Variants in SNAP25 observed in about 807,000 individuals in gnomAD.
SNAP25 encodes the protein synaptosomal-associated protein 25.
Under a neutral mutation model 28.7 loss-of-function variants are expected in SNAP25, and 3 were observed. The ratio of observed to expected loss-of-function variants is 0.10; its 90% CI spans 0.05 to 0.27. SNAP25 has a LOEUF of 0.27. SNAP25 is among the 10% of genes least tolerant of loss of function. SNAP25 has a pLI of 1.00. For missense variants in SNAP25, 117 were observed against 278.7 expected, an observed-to-expected ratio of 0.42 and a Z score of 4.13; for synonymous variants, 61 against 88.1, an observed-to-expected ratio of 0.69 and a Z score of 1.72.
At chr20:10,235,126 A>G (rs984322441) in intron 1 of SNAP25, among the ~76,000 whole-genome samples, 4 of 152,064 alleles carry the variant, frequency 2.6e-5, no homozygotes, top group Non-Finnish European at 5.9e-5. Flanking sequence ...CCAGCCACTC[A>G]GGGGACTAAT....
intron 4 of SNAP25, among the ~76,000 whole-genome samples, chr20:10,289,742 ATTC>A (rs759562590): frequency 8.7e-5 from 13 of 149,902 alleles, no homozygotes; most frequent in Non-Finnish European, 1.2e-4. Flanking sequence ...AATGCTTACT[ATTC>A]TTCTACTGAT....
intron 1 of SNAP25, among the ~76,000 whole-genome samples, chr20:10,238,611 C>T (rs918105251): frequency 6.6e-6 from 1 of 152,044 alleles, no homozygotes; most frequent in Non-Finnish European, 1.5e-5. Flanking sequence ...ACTATTATTT[C>T]AAAAAGAATA....
intron 7 of SNAP25, among the ~76,000 whole-genome samples, chr20:10,301,876 A>C (rs2123177276): frequency 6.9e-6 from 1 of 144,298 alleles, no homozygotes; most frequent in South Asian, 2.1e-4. Context: ...ATTATATAAT[A>C]TATAATATAT....
At position 10,291,457 on chromosome 20, in the gene SNAP25, C is replaced by T. The variant is rs573789493; in HGVS notation, c.164-1704C>T. The stretch of plus-strand genomic sequence containing the variant: ...GTTCTCCTGCACTACCTTATTATCT[C>T]CTCCAGGTATTCAATGCTGGATAAA... On this transcript the variant is annotated intron_variant, in intron 4 of 7. Coordinates refer to ENST00000254976, the MANE Select transcript of SNAP25 (RefSeq NM_130811.4). Among the ~76,000 whole-genome samples the T allele has an allele frequency of 9.2e-4, 140 of 152,266 alleles. 1 individual carries two copies. Among genetic ancestry groups the T allele is most frequent in the African/African-American group, 3.2e-3 (131 of 41,552 alleles).
chr20:10,273,145 A>AT lies in SNAP25; in HGVS notation c.-63-2274dup, dbSNP rs33941524. ...TTGCCTCCCAATGAGTATGTTCCTG[A>AT]TTTTTTTTTTCATACAGAATTTTCA... is the stretch of plus-strand genomic sequence containing the variant. On this transcript the variant is annotated intron_variant, in intron 1 of 7. Coordinates refer to ENST00000254976, the MANE Select transcript of SNAP25 (RefSeq NM_130811.4). Among the ~76,000 whole-genome samples, 277 of 150,142 alleles carry AT rather than the reference A, an allele frequency of 1.8e-3. 2 individuals carry two copies. The highest frequency in any genetic ancestry group is 4.4e-3 in the Admixed American group (67 of 15,062).
intron 4 of SNAP25, among the ~76,000 whole-genome samples, chr20:10,291,645 GT>G (rs1411964727): frequency 6.6e-6 from 1 of 152,120 alleles, no homozygotes; most frequent in African/African-American, 2.4e-5. Flanking sequence ...ATGTATCTTA[GT>G]TTTTTTGGAA....
intron 7 of SNAP25, 89 bp from the exon 8 acceptor site, chr20:10,306,040 C>A: frequency 1.6e-6 from 2 of 1,251,828 alleles, no homozygotes; most frequent in Non-Finnish European, 2.3e-6. Context: ...AGTGGTTTCA[C>A]CCAAGAGGAA....
intron 1 of SNAP25, among the ~76,000 whole-genome samples, chr20:10,270,005 G>A (rs566940707): frequency 5.3e-5 from 8 of 152,324 alleles, no homozygotes; most frequent in African/African-American, 1.9e-4. Context: ...TGTCATCCCA[G>A]CACTTTGGGA....
intron 1 of SNAP25, among the ~76,000 whole-genome samples, chr20:10,221,423 GA>G (rs1568566709): frequency 6.6e-6 from 1 of 151,798 alleles, no homozygotes; most frequent in Admixed American, 6.6e-5. Flanking sequence ...AGCTTCCAGG[GA>G]AAAAAAATCG....
intron 4 of SNAP25, among the ~76,000 whole-genome samples, chr20:10,287,223 C>T (rs1312416371): frequency 1.3e-5 from 2 of 152,040 alleles, no homozygotes; most frequent in South Asian, 4.2e-4. Context: ...GAACAGGCAA[C>T]CTACAAAATG....
At chr20:10,258,332 G>A (rs780745585) in intron 1 of SNAP25, among the ~76,000 whole-genome samples, 2 of 152,130 alleles carry the variant, frequency 1.3e-5, no homozygotes, top group Non-Finnish European at 2.9e-5. Context: ...TCTCATTAAT[G>A]AGTTAATAAA....
At chr20:10,249,027 A>G (rs1309407259) in intron 1 of SNAP25, among the ~76,000 whole-genome samples, 5 of 152,196 alleles carry the variant, frequency 3.3e-5, no homozygotes, top group Non-Finnish European at 5.9e-5. Flanking sequence ...TAAATAGGCC[A>G]TGGACACACA....
At chr20:10,260,012 C>G (rs561049204) in intron 1 of SNAP25, among the ~76,000 whole-genome samples, 2 of 152,318 alleles carry the variant, frequency 1.3e-5, no homozygotes, top group South Asian at 4.1e-4. Context: ...GGTTGGTCAG[C>G]CTTTCCCTGA....
intron 1 of SNAP25, among the ~76,000 whole-genome samples, chr20:10,223,995 C>T (rs945556703): frequency 2.0e-5 from 3 of 152,158 alleles, no homozygotes; most frequent in Admixed American, 2.0e-4. Flanking sequence ...AAGAATGTGA[C>T]ACTCATTCTA....
chr20:10,299,942 T>C (rs1489519028), intron 7 of SNAP25, among the ~76,000 whole-genome samples: 1 of 152,092 alleles, frequency 6.6e-6, no homozygotes, highest in African/African-American at 2.4e-5. Flanking sequence ...AATCAGAAAA[T>C]GGGAGAAAGA....
At chr20:10,232,099 T>A (rs768555600) in intron 1 of SNAP25, among the ~76,000 whole-genome samples, 1 of 152,204 alleles carries the variant, frequency 6.6e-6, no homozygotes, top group Non-Finnish European at 1.5e-5. Context: ...CAAAGCTCTC[T>A]CTTTCTCAGC....
chr20:10,259,495 G>A (rs1300416694), intron 1 of SNAP25, among the ~76,000 whole-genome samples: 1 of 152,154 alleles, frequency 6.6e-6, no homozygotes, highest in Non-Finnish European at 1.5e-5. Flanking sequence ...ATTAGATTCT[G>A]AGGAACCATT....
chr20:10,286,075 GTTA>G (rs1377336066), intron 4 of SNAP25, among the ~76,000 whole-genome samples: 1 of 152,060 alleles, frequency 6.6e-6, no homozygotes, highest in Non-Finnish European at 1.5e-5. Context: ...TACATTTACA[GTTA>G]TATGAAGTAA....
intron 3 of SNAP25, among the ~76,000 whole-genome samples, chr20:10,279,547 C>G (rs1340232938): frequency 6.6e-6 from 1 of 152,202 alleles, no homozygotes; most frequent in Non-Finnish European, 1.5e-5. Context: ...TGATCCCTTA[C>G]ACATCAGAGT....
Sources: allele counts gnomAD v4.1 joint callset (sites outside exome capture counted in the v4.1 genomes callset), GRCh38; gene constraint gnomAD v4.1.1; transcripts MANE v1.5; gene names NCBI Gene and HGNC (gene_info 2026-07-23, HGNC 2026-07-21).